Variants in ZFAND3 observed in about 807,000 individuals in gnomAD.
ZFAND3 encodes the protein AN1-type zinc finger protein 3.
ZFAND3 carries 10 observed loss-of-function variants against 29.6 expected under a neutral mutation model. The ratio of observed to expected loss-of-function variants is 0.34; its 90% CI spans 0.21 to 0.57. The LOEUF is 0.57. Ranked by LOEUF, ZFAND3 falls within the 20% of genes least tolerant of loss-of-function variation. ZFAND3 has a pLI of 0.86. For missense variants in ZFAND3, 230 were observed against 304.5 expected (o/e 0.76, Z 1.82); for synonymous variants, 128 against 112.6 (o/e 1.14, Z -0.87).
chr6:38,124,532 C>G (rs907550940), intron 5 of ZFAND3, among the ~76,000 whole-genome samples: 5 of 152,168 alleles, frequency 3.3e-5, no homozygotes, highest in Admixed American at 6.5e-5. Context: ...GCCGGTGGGC[C>G]GCACTGCTGG....
chr6:38,062,857 A>G (rs1764268933), intron 3 of ZFAND3, among the ~76,000 whole-genome samples: 1 of 152,076 alleles, frequency 6.6e-6, no homozygotes, highest in Admixed American at 6.6e-5. Flanking sequence ...TGGCCAAGCC[A>G]GGAGGATTGC....
intron 3 of ZFAND3, among the ~76,000 whole-genome samples, chr6:38,066,047 G>A (rs1561986650): frequency 6.6e-6 from 1 of 152,172 alleles, no homozygotes; most frequent in Non-Finnish European, 1.5e-5. Flanking sequence ...TTTTGGGGTG[G>A]AAGGGGGGAA....
At chr6:37,987,929 T>A (rs1762697637) in intron 2 of ZFAND3, among the ~76,000 whole-genome samples, 1 of 152,216 alleles carries the variant, frequency 6.6e-6, no homozygotes, top group South Asian at 2.1e-4. Flanking sequence ...TTGAATAGAT[T>A]TAGTATTTTC....
intron 2 of ZFAND3, among the ~76,000 whole-genome samples, chr6:38,000,230 C>T (rs749127270): frequency 2.0e-5 from 3 of 152,070 alleles, no homozygotes; most frequent in Non-Finnish European, 4.4e-5. Context: ...TGATCATTTG[C>T]GAGACCCATA....
In ZFAND3 at chr6:37,976,497, T is replaced by C. The variant is rs1762479819; in HGVS notation, c.112+46498T>C. ...TACTTGGGAGGCTGAGGTGGAAGAA[T>C]CACTTGAGCCCCGGAAGTAGAGGTT... On this transcript the variant is annotated intron_variant, in intron 2 of 5. Transcript: ENST00000287218. 2.1e-5 allele frequency among the ~76,000 whole-genome samples: 3 copies of C among 144,270 alleles called. No individual in the cohort carries two copies. In the South Asian group the frequency reaches 6.5e-4, roughly 31 times the overall value. The allele number at this position is 144,270 out of a possible 152,430, so 94.6% of individuals were successfully genotyped here.
intron 2 of ZFAND3, chr6:38,003,724 T>A: frequency 2.5e-6 from 1 of 398,470 alleles, no homozygotes; most frequent in South Asian, 1.8e-5. Context: ...CAGGCTGGCC[T>A]TGAACTCCTG....
chr6:38,012,529 C>T (rs923257328), intron 2 of ZFAND3, among the ~76,000 whole-genome samples: 1 of 152,016 alleles, frequency 6.6e-6, no homozygotes, highest in Non-Finnish European at 1.5e-5. Flanking sequence ...CAGGTGCGTG[C>T]CACCACGCCT....
chr6:37,996,825 G>T (rs770026605), intron 2 of ZFAND3, among the ~76,000 whole-genome samples: 2 of 151,722 alleles, frequency 1.3e-5, no homozygotes, highest in African/African-American at 4.8e-5. Flanking sequence ...TTTCTATTTT[G>T]TTTTCCAATT....
chr6:38,100,080 C>T (rs150008975), intron 4 of ZFAND3, among the ~76,000 whole-genome samples: 5 of 151,180 alleles, frequency 3.3e-5, no homozygotes, highest in Non-Finnish European at 7.4e-5. Flanking sequence ...TTTTTTAAGA[C>T]GGAGTCTCAC....
intron 2 of ZFAND3, among the ~76,000 whole-genome samples, chr6:37,972,609 T>A (rs1029579696): frequency 6.6e-5 from 10 of 152,170 alleles, no homozygotes; most frequent in African/African-American, 2.4e-4. Flanking sequence ...ATTATTTTAT[T>A]TGAATGAGAT....
chr6:37,851,295 G>T (rs77839343), intron 1 of ZFAND3, among the ~76,000 whole-genome samples: 3,109 of 151,742 alleles, frequency 0.02, 96 homozygotes, highest in African/African-American at 0.072. Context: ...CCATTGATCT[G>T]TTGCCTCTTA....
intron 5 of ZFAND3, among the ~76,000 whole-genome samples, chr6:38,123,557 G>A (rs1299988680): frequency 6.6e-6 from 1 of 152,170 alleles, no homozygotes; most frequent in Non-Finnish European, 1.5e-5. Flanking sequence ...GACCAAAACT[G>A]ATTTGACTGG....
intron 2 of ZFAND3, among the ~76,000 whole-genome samples, chr6:37,932,792 A>G (rs1295798973): frequency 1.3e-5 from 2 of 152,144 alleles, no homozygotes; most frequent in East Asian, 1.9e-4. Context: ...ATCTGTGTCT[A>G]TTTACATTTT....
At chr6:37,931,001 C>T (rs1359890621) in intron 2 of ZFAND3, among the ~76,000 whole-genome samples, 3 of 152,096 alleles carry the variant, frequency 2.0e-5, no homozygotes, top group Non-Finnish European at 4.4e-5. Context: ...GGTGGATAAA[C>T]GGAATCTGTA....
intron 2 of ZFAND3, among the ~76,000 whole-genome samples, chr6:37,933,255 C>G (rs1244155401): frequency 5.9e-5 from 9 of 152,104 alleles, no homozygotes; most frequent in Admixed American, 3.3e-4. Context: ...TTCAAGATTC[C>G]TTTTCAAAAT....
chr6:37,987,436 T>C (rs1054945256), intron 2 of ZFAND3, among the ~76,000 whole-genome samples: 1 of 152,224 alleles, frequency 6.6e-6, no homozygotes, highest in Non-Finnish European at 1.5e-5. Flanking sequence ...ATAGAAACTT[T>C]AGACCCTGGA....
At chr6:38,082,577 G>A (rs1483613478) in intron 4 of ZFAND3, 120 bp downstream of exon 4, 2 of 892,890 alleles carry the variant, frequency 2.2e-6, no homozygotes, top group Non-Finnish European at 3.4e-6. Context: ...GTTGTGAGGT[G>A]ATATGTGCTT....
intron 1 of ZFAND3, among the ~76,000 whole-genome samples, chr6:37,823,154 G>A (rs146235556): frequency 1.3e-5 from 2 of 152,262 alleles, no homozygotes; most frequent in East Asian, 1.9e-4. Flanking sequence ...ACGTGTTTCC[G>A]TGGAACGTTG....
intron 2 of ZFAND3, among the ~76,000 whole-genome samples, chr6:38,044,740 T>G (rs895132127): frequency 2.6e-5 from 4 of 152,206 alleles, no homozygotes; most frequent in African/African-American, 2.4e-5. Context: ...AAATGGTAAA[T>G]CACTTTCATG....
Sources: allele counts gnomAD v4.1 joint callset (sites outside exome capture counted in the v4.1 genomes callset), GRCh38; gene constraint gnomAD v4.1.1; transcripts MANE v1.5; gene names NCBI Gene and HGNC (gene_info 2026-07-23, HGNC 2026-07-21).